SHANK2: variants seen among roughly 807,000 people sequenced by gnomAD.
SHANK2 encodes the protein SH3 and multiple ankyrin repeat domains protein 2.
A neutral mutation model predicts 133.7 loss-of-function variants in SHANK2; 43 were observed. The ratio of observed to expected loss-of-function variants is 0.32; its 90% confidence interval spans 0.25 to 0.41. The LOEUF (loss-of-function observed/expected upper bound fraction) is 0.41, where lower values mean the gene tolerates loss of function less well. Among genes scored for constraint, SHANK2 ranks in the 10% least tolerant of loss-of-function variants. The probability of loss-of-function intolerance (pLI) is 1.00; values close to 1 mark genes in which losing one functional copy is unlikely to be tolerated. For synonymous variants in SHANK2, 1,017 were observed against 952.8 expected, an observed-to-expected ratio of 1.07 and a Z score of -1.24; for missense variants, 1,994 against 2,235.8, an observed-to-expected ratio of 0.89 and a Z score of 2.18.
At chr11:70,903,751 G>T (rs569397387) in intron 10 of SHANK2, among the ~76,000 whole-genome samples, 1 of 152,158 alleles carries the variant, frequency 6.6e-6, no homozygotes, top group African/African-American at 2.4e-5. Context: ...TTGCAACACC[G>T]CAGAGACTTC....
chr11:71,109,438 G>A (rs750559618), intron 6 of SHANK2, among the ~76,000 whole-genome samples: 9 of 152,216 alleles, frequency 5.9e-5, no homozygotes, highest in Non-Finnish European at 8.8e-5. Flanking sequence ...TCACACACTC[G>A]TGGAACCACC....
rs1002602572 is a variant in SHANK2 at position 71,075,474 on chromosome 11, G to A, written c.913-199C>T. Among the ~76,000 whole-genome samples, 5 of 152,208 alleles carry A rather than the reference G, an allele frequency of 3.3e-5. No individual in the cohort carries two copies. In the East Asian group the frequency reaches 9.6e-4, roughly 29 times the overall value. ...ATGCACCACCAGACCCCTGGCTGTG[G>A]ATCAGGGAGAAAGACCTTCATGGTG... On this transcript the variant is annotated intron_variant, in intron 8 of 25. Transcript: ENST00000601538.
chr11:70,653,490 T>C (rs2061364330), intron 17 of SHANK2, among the ~76,000 whole-genome samples: 1 of 143,826 alleles, frequency 7.0e-6, no homozygotes, highest in African/African-American at 2.6e-5. Flanking sequence ...TTGCCCAGGC[T>C]GGAGTGCAGT....
Position 70,703,723 on chromosome 11 carries a change from G to T in SHANK2, c.1778-4960C>A, listed in dbSNP as rs558265488. Among the ~76,000 whole-genome samples, 28 of 152,352 alleles carry T rather than the reference G, an allele frequency of 1.8e-4. 1 individual carries two copies. The highest frequency in any genetic ancestry group is 5.3e-4 in the African/African-American group (22 of 41,582). On this transcript the variant is annotated intron_variant, in intron 14 of 25. Coordinates refer to ENST00000601538, the MANE Select transcript of SHANK2 (RefSeq NM_012309.5). ...CAACAAAGGATGCTGGCTGTTTCCT[G>T]CCGCTGAGAGGTCAGCTTCCCAGGT...
At chr11:71,144,625 C>A (rs547406487) in intron 3 of SHANK2, among the ~76,000 whole-genome samples, 1 of 152,100 alleles carries the variant, frequency 6.6e-6, no homozygotes, top group South Asian at 2.1e-4. Context: ...GCTTAGTTTA[C>A]CCCTAAATGA....
intron 3 of SHANK2, among the ~76,000 whole-genome samples, chr11:71,140,363 C>A (rs1485540728): frequency 6.6e-5 from 10 of 152,358 alleles, no homozygotes; most frequent in African/African-American, 2.4e-4. Flanking sequence ...ATCACTCCAA[C>A]AGGTCTCCAG....
chr11:71,133,289 G>A (rs782580425), intron 3 of SHANK2, among the ~76,000 whole-genome samples: 32 of 151,186 alleles, frequency 2.1e-4, no homozygotes, highest in Middle Eastern at 3.4e-3. Context: ...TGGCCGGCCG[G>A]ACGGCTGGCT....
intron 15 of SHANK2, among the ~76,000 whole-genome samples, chr11:70,696,004 AG>A (rs10709347): frequency 0.35 from 53,557 of 152,120 alleles, 10,442 homozygotes; most frequent in Non-Finnish European, 0.45. Context: ...GTGAGGTCCC[AG>A]GACCTGGCAG....
intron 12 of SHANK2, among the ~76,000 whole-genome samples, chr11:70,814,434 G>A (rs1555053845): frequency 6.6e-6 from 1 of 152,132 alleles, no homozygotes; most frequent in South Asian, 2.1e-4. Flanking sequence ...TCAGGATGAT[G>A]GGGCACAGGA....
At chr11:70,943,185 A>G in intron 10 of SHANK2, 1 of 434,470 alleles carries the variant, frequency 2.3e-6, no homozygotes, top group Non-Finnish European at 4.6e-6. Context: ...GATGGTGCTC[A>G]GTCACCGACA....
chr11:71,218,261 C>CTTTTTTTTTT (rs71049964), intron 2 of SHANK2, among the ~76,000 whole-genome samples: 1 of 72,518 alleles, frequency 1.4e-5, no homozygotes, highest in Non-Finnish European at 2.8e-5. Context: ...TTTTCTTTTT[C>CTTTTTTTTTT]TTTTTTTTTT....
At chr11:71,204,234 CA>C (rs148030967) in intron 2 of SHANK2, among the ~76,000 whole-genome samples, 6 of 151,516 alleles carry the variant, frequency 4.0e-5, no homozygotes, top group African/African-American at 1.2e-4. Context: ...GATGTAAATC[CA>C]AAAAAAACCC....
In SHANK2 at chr11:71,118,230, G is replaced by GA. The variant is rs200552076; in HGVS notation, c.411+598dup. Among the ~76,000 whole-genome samples, 473 of 150,568 alleles carry GA rather than the reference G, an allele frequency of 3.1e-3. 1 individual carries two copies. Among genetic ancestry groups the GA allele is most frequent in the African/African-American group, 5.3e-3 (216 of 41,084 alleles). ...TGCAGGGATTCTTTGAATCTGTAGT[G>GA]AAAAAAAAATGTATAAAAGTTGTAC... is the stretch of plus-strand genomic sequence containing the variant. On this transcript the variant is annotated intron_variant, in intron 4 of 25. Coordinates refer to ENST00000601538, the MANE Select transcript of SHANK2 (RefSeq NM_012309.5).
In SHANK2 at chr11:70,882,791, G is replaced by C. The variant is rs1354401724; in HGVS notation, c.1174+13710C>G. On this transcript the variant is annotated intron_variant, in intron 11 of 25. Transcript: ENST00000601538. This position sits in a 1 kb window ranked among gnomAD's most constrained non-coding sequence, Gnocchi z 4.2. ...ATCTGTCCACGCTGGCCCAGCATCT[G>C]CGAGCACAGGAAGCCAAGCGGCTGG... Among the ~76,000 whole-genome samples, 2 of 152,240 alleles carry C rather than the reference G, an allele frequency of 1.3e-5. No individual in the cohort carries two copies. The highest frequency in any genetic ancestry group is 2.9e-5 in the Non-Finnish European group (2 of 68,040).
At chr11:70,491,979 GC>G (rs1205406891) in intron 22 of SHANK2, among the ~76,000 whole-genome samples, 1 of 152,226 alleles carries the variant, frequency 6.6e-6, no homozygotes, top group Non-Finnish European at 1.5e-5. Context: ...CCACACCGGA[GC>G]ATTTCTGTGC....
intron 11 of SHANK2, among the ~76,000 whole-genome samples, chr11:70,837,923 A>G (rs1948844514): frequency 1.3e-5 from 2 of 149,102 alleles, no homozygotes; most frequent in African/African-American, 5.0e-5. Flanking sequence ...CCAGTGAGCC[A>G]AGATGGTGCC....
At chr11:70,932,799 C>T (rs1950520534) in intron 10 of SHANK2, among the ~76,000 whole-genome samples, 1 of 152,078 alleles carries the variant, frequency 6.6e-6, no homozygotes, top group African/African-American at 2.4e-5. Context: ...TTGAAAAGCA[C>T]AGCATACCAC....
At chr11:70,897,080 G>A (rs1555075842) in intron 10 of SHANK2, among the ~76,000 whole-genome samples, 1 of 152,248 alleles carries the variant, frequency 6.6e-6, no homozygotes, top group East Asian at 1.9e-4. Context: ...TGCACAGCCA[G>A]ATGAGTGGCA....
chr11:71,132,232 GGTCCAA>G (rs1952325856), intron 3 of SHANK2, among the ~76,000 whole-genome samples: 1 of 152,140 alleles, frequency 6.6e-6, no homozygotes, highest in Non-Finnish European at 1.5e-5. Flanking sequence ...GAATCGCCCA[GGTCCAA>G]CCTCAGAGCA....
Sources: gnomAD v4.1 joint callset for allele counts (sites outside exome capture counted in the v4.1 genomes callset) on GRCh38, gnomAD v4.1.1 for gene constraint, Gnocchi (gnomAD v3.1) non-coding constraint, MANE v1.5 for transcripts, NCBI Gene and HGNC (gene_info 2026-07-23, HGNC 2026-07-21) for gene names.